The following GDPD4 variants were observed in gnomAD, a reference collection of about 807,000 sequenced individuals.
GDPD4 encodes the protein glycerophosphodiester phosphodiesterase domain containing 4.
A neutral mutation model predicts 67.8 loss-of-function variants in GDPD4; 60 were observed. The observed-to-expected ratio is 0.88, with a 90% CI of 0.72 to 1.10. GDPD4 has a LOEUF of 1.10. GDPD4 is among the 50% of genes least tolerant of loss of function. The pLI is 0.00. For missense variants in GDPD4, 623 were observed against 613.9 expected (o/e 1.01, Z -0.16); for synonymous variants, 212 against 210.9 (o/e 1.00, Z -0.04).
chr11:77,241,115 G>A (rs551308889), intron 13 of GDPD4, among the ~76,000 whole-genome samples: 1 of 152,290 alleles, frequency 6.6e-6, no homozygotes, highest in South Asian at 2.1e-4. Flanking sequence ...ATGTCAAAGA[G>A]ATATCTGTAC....
At chr11:77,220,466 G>T (rs1369517981) in intron 16 of GDPD4, among the ~76,000 whole-genome samples, 2 of 152,190 alleles carry the variant, frequency 1.3e-5, no homozygotes, top group Non-Finnish European at 2.9e-5. Flanking sequence ...AGATAATCAC[G>T]TGGTTTTTGT....
chr11:77,216,587 A>ACAGT lies in GDPD4; in HGVS notation c.*686_*689dup. The ACAGT allele has an allele frequency of 3.3e-6, 1 of 298,658 alleles. No individual in the cohort carries two copies. The highest frequency in any genetic ancestry group is 2.2e-5 in the African/African-American group (1 of 46,506). The allele number at this position is 298,658 out of a possible 1,614,324, so 18.5% of individuals were successfully genotyped here. Reference sequence around the variant, plus strand: ...TGAGAGGTTGCCTTTACTTATATGCACAGTCACTCCTTTAGCAGAAAATAT... The same window carrying ACAGT: ...TGAGAGGTTGCCTTTACTTATATGCACAGTCAGTCACTCCTTTAGCAGAAAATAT... On this transcript the variant is annotated 3_prime_UTR_variant, in exon 17 of 17. Transcript: ENST00000315938.
Position 77,268,487 on chromosome 11 carries a change from G to A in GDPD4, c.677C>T (p.Ala226Val). ...MSFEKAVEHG[A>V]HGLETDIHLS... ...GTGTATATCAGTCTCCAATCCATGG[G>A]CTCCATGTTCAACAGCTTTCTCAAA... Residue 226 changes from alanine (A) to valine (V), a missense_variant, in exon 10 of 17, where the codon GCC becomes GTC. Coordinates refer to ENST00000315938, the MANE Select transcript of GDPD4 (RefSeq NM_182833.3). The A allele has an allele frequency of 6.2e-7, 1 of 1,612,934 alleles. No homozygotes were observed. The highest frequency in any genetic ancestry group is 1.1e-5 in the South Asian group (1 of 91,046).
intron 7 of GDPD4, 46 bp from the exon 8 acceptor site, chr11:77,270,006 T>C (rs1338989623): frequency 2.1e-6 from 2 of 932,936 alleles, no homozygotes; most frequent in Non-Finnish European, 3.4e-6. Context: ...TATTGTCCCC[T>C]TTAAGCCCTT....
chr11:77,217,420 C>T, intron 16 of GDPD4, 106 bp from the exon 17 acceptor site: 1 of 903,162 alleles, frequency 1.1e-6, no homozygotes, highest in Non-Finnish European at 1.8e-6. Flanking sequence ...CTCCCTTACC[C>T]TTTCAGGTTC....
intron 15 of GDPD4, among the ~76,000 whole-genome samples, 187 bp downstream of exon 15, chr11:77,228,963 T>C (rs895063220): frequency 1.3e-5 from 2 of 152,194 alleles, no homozygotes; most frequent in Non-Finnish European, 2.9e-5. Flanking sequence ...CCTGAAAATA[T>C]TGTCTTATTT....
At chr11:77,270,672 G>A (rs1959209452) in intron 7 of GDPD4, among the ~76,000 whole-genome samples, 1 of 152,150 alleles carries the variant, frequency 6.6e-6, no homozygotes, top group Non-Finnish European at 1.5e-5. Context: ...TTGTGCCACT[G>A]CACTCCAGCC....
chr11:77,235,987 A>C (rs1056323798), intron 13 of GDPD4, among the ~76,000 whole-genome samples: 47 of 151,952 alleles, frequency 3.1e-4, no homozygotes, highest in African/African-American at 1.1e-3. Context: ...AAAAAAAAAA[A>C]CAAATTGAAG....
chr11:77,226,845 C>T (rs1330381503), intron 16 of GDPD4, among the ~76,000 whole-genome samples: 2 of 152,120 alleles, frequency 1.3e-5, no homozygotes, highest in Admixed American at 1.3e-4. Flanking sequence ...AAGACCATTG[C>T]CTTCTATTTA....
intron 1 of GDPD4, 70 bp from the exon 2 acceptor site, chr11:77,287,490 C>T (rs1233387979): frequency 6.6e-6 from 1 of 152,136 alleles, no homozygotes; most frequent in Non-Finnish European, 1.5e-5. Context: ...CACCATTCTA[C>T]AGAAAATTTT....
At chr11:77,294,036 G>A (rs1290324394) in intron 1 of GDPD4, among the ~76,000 whole-genome samples, 2 of 152,120 alleles carry the variant, frequency 1.3e-5, no homozygotes, top group Admixed American at 6.5e-5. Context: ...AGTGAGTTTG[G>A]CAAGGTAGAA....
At chr11:77,267,439 T>C (rs574744727) in intron 10 of GDPD4, among the ~76,000 whole-genome samples, 88 of 152,364 alleles carry the variant, frequency 5.8e-4, no homozygotes, top group Middle Eastern at 3.4e-3. Context: ...CAGGAACATA[T>C]GAGTGACTCA....
chr11:77,248,888 ATTTTT>A (rs568506140), intron 11 of GDPD4, among the ~76,000 whole-genome samples: 4 of 122,404 alleles, frequency 3.3e-5, no homozygotes, highest in African/African-American at 9.0e-5. Context: ...TGCCCGGCTA[ATTTTT>A]TTTTTTTTTT....
chr11:77,280,996 T>G (rs1959730375), intron 3 of GDPD4, among the ~76,000 whole-genome samples: 1 of 152,242 alleles, frequency 6.6e-6, no homozygotes, highest in South Asian at 2.1e-4. Context: ...TATGTGAATG[T>G]GTCCAATTTA....
At chr11:77,234,167 G>A (rs1958507262) in intron 13 of GDPD4, among the ~76,000 whole-genome samples, 1 of 152,092 alleles carries the variant, frequency 6.6e-6, no homozygotes, top group South Asian at 2.1e-4. Flanking sequence ...CCTCAGTATA[G>A]AAACTGTAAA....
intron 10 of GDPD4, among the ~76,000 whole-genome samples, chr11:77,264,825 C>T (rs1959170947): frequency 1.3e-5 from 2 of 152,012 alleles, no homozygotes; most frequent in African/African-American, 4.8e-5. Context: ...CCAATATATA[C>T]CTCTTTGGCA....
Position 77,245,203 on chromosome 11 carries a change from G to C in GDPD4, c.1086+78C>G, listed in dbSNP as rs1958755709. 4.9e-6 allele frequency: 5 copies of C among 1,017,396 alleles called. No individual in the cohort carries two copies. The Admixed American group carries it at 5.3e-5, about 11-fold the overall frequency. 63.0% of individuals were successfully genotyped at this position (1,017,396 alleles called of 1,614,324 possible). The stretch of plus-strand genomic sequence containing the variant: ...GATCCCAGGGTAGATGTACAAGGTA[G>C]GTCAAGTTCAACTACTGTGCTCCTA... On this transcript the variant is annotated intron_variant, in intron 12 of 16. Coordinates refer to ENST00000315938, the MANE Select transcript of GDPD4 (RefSeq NM_182833.3).
intron 11 of GDPD4, among the ~76,000 whole-genome samples, chr11:77,251,664 A>G (rs575229329): frequency 6.6e-6 from 1 of 152,308 alleles, no homozygotes; most frequent in African/African-American, 2.4e-5. Flanking sequence ...TTGATAAAAT[A>G]TGCCTTGGTG....
At chr11:77,299,310 G>A (rs1031508457) in intron 1 of GDPD4, among the ~76,000 whole-genome samples, 3 of 152,166 alleles carry the variant, frequency 2.0e-5, no homozygotes, top group Non-Finnish European at 4.4e-5. Context: ...AAAAGTAGTA[G>A]TTACCTCACT....
Sources: allele counts gnomAD v4.1 joint callset (sites outside exome capture counted in the v4.1 genomes callset), GRCh38; gene constraint gnomAD v4.1.1; transcripts MANE v1.5; gene names NCBI Gene and HGNC (gene_info 2026-07-23, HGNC 2026-07-21).